Variants in MEI1 observed in about 807,000 individuals in gnomAD.
The protein encoded by MEI1 is meiotic double-stranded break formation protein 1.
MEI1 carries 103 observed loss-of-function variants against 146.2 expected under a neutral mutation model. That is an observed-to-expected ratio of 0.70 (90% CI 0.60 to 0.83). The LOEUF (loss-of-function observed/expected upper bound fraction) is 0.83. Among genes scored for constraint, MEI1 ranks in the 40% least tolerant of loss-of-function variants. The pLI is 0.00. For synonymous variants in MEI1, 652 were observed against 628.2 expected, an observed-to-expected ratio of 1.04 and a Z score of -0.57; for missense variants, 1,529 against 1,533.0, an observed-to-expected ratio of 1.00 and a Z score of 0.04.
At chr22:41,715,999 C>T in intron 4 of MEI1, 42 bp from the exon 5 acceptor site, 1 of 1,425,190 alleles carries the variant, frequency 7.0e-7, no homozygotes, top group Non-Finnish European at 9.7e-7. Flanking sequence ...AAGATCTGTC[C>T]TGATCCTAAT....
intron 3 of MEI1, chr22:41,709,197 A>C (rs1374719770): frequency 1.2e-6 from 1 of 835,452 alleles, no homozygotes; most frequent in African/African-American, 1.7e-5. Context: ...AGAAGTACAC[A>C]GTTACCAAAA....
intron 26 of MEI1, among the ~76,000 whole-genome samples, chr22:41,786,068 G>T (rs1305458042): frequency 6.7e-6 from 1 of 148,506 alleles, no homozygotes; most frequent in Non-Finnish European, 1.5e-5. Context: ...CCGCTACCAC[G>T]CCCGGCTAAT....
intron 1 of MEI1, among the ~76,000 whole-genome samples, chr22:41,702,634 C>T (rs1034877765): frequency 7.9e-5 from 12 of 151,800 alleles, no homozygotes; most frequent in South Asian, 6.2e-4. Flanking sequence ...TAGTAGAAAC[C>T]GGGTTTCTCC....
intron 26 of MEI1, among the ~76,000 whole-genome samples, chr22:41,792,006 A>C (rs1396542922): frequency 6.6e-6 from 1 of 152,204 alleles, no homozygotes; most frequent in African/African-American, 2.4e-5. Context: ...ATGAAGAGTG[A>C]CTGCTGAGTA....
rs770556595 is a variant in MEI1, at chr22:41,745,970, G to A, written c.1624G>A (p.Ala542Thr). 2.6e-5 allele frequency: 42 copies of A among 1,613,092 alleles called. No homozygotes were observed. Among genetic ancestry groups the A allele is most frequent in the Non-Finnish European group, 3.3e-5 (39 of 1,179,500 alleles). The change falls in exon 14 of 31, where the codon GCC (alanine) becomes ACC (threonine). Residue 542 changes from alanine to threonine, a missense_variant. Physicochemically the swap from Ala to Thr is moderately conservative, Grantham distance 58 (BLOSUM62 0). This residue lies in a region of MEI1 where 1,212 missense variants were observed against 1,178.9 expected (regional missense o/e 1.03). Coordinates refer to ENST00000401548, the MANE Select transcript of MEI1 (RefSeq NM_152513.4). ...CGCCAAGAAGGAAGACACCTTGGAGGCCTTCTCAGAATTTCTTCTCAGTGC... is the reference window on the plus strand; with the variant it reads ...CGCCAAGAAGGAAGACACCTTGGAGACCTTCTCAGAATTTCTTCTCAGTGC... ...PSAKKEDTLE[A>T]FSEFLLSACD... is the part of the protein sequence containing the mutation.
chr22:41,735,526 C>T lies in MEI1; in HGVS notation c.1331+2923C>T, dbSNP rs369969693. 1.3e-3 allele frequency among the ~76,000 whole-genome samples: 196 copies of T among 152,246 alleles called. 2 individuals are homozygous for T. Among genetic ancestry groups the T allele is most frequent in the African/African-American group, 4.5e-3 (186 of 41,540 alleles). ...GGGATTACAGGCGTGAGCCACCGTG[C>T]CCAGCCATATTGTTATTTTTTTTAT... is the stretch of plus-strand genomic sequence containing the variant. On this transcript the variant is annotated intron_variant, in intron 11 of 30. Transcript: ENST00000401548.
At chr22:41,718,334 T>C in intron 6 of MEI1, 60 bp downstream of exon 6, 2 of 1,524,502 alleles carry the variant, frequency 1.3e-6, no homozygotes, top group Non-Finnish European at 1.8e-6. Flanking sequence ...GCTAGAAGAC[T>C]TGAGATATTG....
chr22:41,784,990 G>T (rs1254124652), intron 26 of MEI1, among the ~76,000 whole-genome samples: 1 of 151,622 alleles, frequency 6.6e-6, no homozygotes. Flanking sequence ...AGGCTGGAGT[G>T]CAGTGGCGCA....
intron 7 of MEI1, among the ~76,000 whole-genome samples, chr22:41,728,547 A>C (rs1569193565): frequency 6.6e-6 from 1 of 152,106 alleles, no homozygotes; most frequent in African/African-American, 2.4e-5. Flanking sequence ...CCATATACTG[A>C]GACCTTGTCT....
chr22:41,733,324 C>A (rs998686233), intron 11 of MEI1, among the ~76,000 whole-genome samples: 29 of 152,026 alleles, frequency 1.9e-4, no homozygotes, highest in Non-Finnish European at 4.3e-4. Context: ...TTGGTGCACA[C>A]CTATAGTTCC....
intron 21 of MEI1, among the ~76,000 whole-genome samples, chr22:41,777,861 C>T (rs955794158): frequency 6.7e-6 from 1 of 150,274 alleles, no homozygotes; most frequent in Non-Finnish European, 1.5e-5. Flanking sequence ...TGCTTCCTTC[C>T]TTCCTTCCTT....
chr22:41,738,306 A>G (rs918895850), intron 11 of MEI1, among the ~76,000 whole-genome samples: 3 of 151,116 alleles, frequency 2.0e-5, no homozygotes, highest in Non-Finnish European at 4.4e-5. Context: ...TACAAAAATT[A>G]GGCTGGGTGT....
intron 26 of MEI1, among the ~76,000 whole-genome samples, chr22:41,787,820 C>T (rs1408870255): frequency 3.3e-5 from 5 of 152,162 alleles, no homozygotes; most frequent in Non-Finnish European, 7.4e-5. Context: ...TGATCCCAGC[C>T]ATTTAGGCAC....
At position 41,785,865 on chromosome 22, in the gene MEI1, ATTTTTATT is replaced by A. The variant is rs200537863; in HGVS notation, c.3345+1119_3345+1126del. ...AGGAATGAGCCACCACACCCGGCCT[ATTTTTATT>A]TTTTTATTTTTTTATTTTTTTATTT... is the stretch of plus-strand genomic sequence containing the variant. On this transcript the variant is annotated intron_variant, in intron 26 of 30. Transcript: ENST00000401548. Among the ~76,000 whole-genome samples the A allele has an allele frequency of 0.03, 4,221 of 142,840 alleles. 607 individuals are homozygous for A. In the East Asian group the frequency reaches 0.47, roughly 16 times the overall value. The allele number at this position is 142,840 out of a possible 152,430, so 93.7% of individuals were successfully genotyped here.
At chr22:41,746,048 G>A in intron 14 of MEI1, 22 bp downstream of exon 14, 2 of 1,558,796 alleles carry the variant, frequency 1.3e-6, no homozygotes, top group Non-Finnish European at 1.7e-6. Context: ...TGAGCCACGG[G>A]CAACATGAAG....
At chr22:41,749,509 A>G (rs2073595382) in intron 15 of MEI1, among the ~76,000 whole-genome samples, 1 of 151,956 alleles carries the variant, frequency 6.6e-6, no homozygotes, top group African/African-American at 2.4e-5. Flanking sequence ...TCCCCACTTC[A>G]GGTGATCTGG....
At chr22:41,775,703 C>T (rs1429718513) in intron 20 of MEI1, among the ~76,000 whole-genome samples, 8 of 151,688 alleles carry the variant, frequency 5.3e-5, no homozygotes, top group Admixed American at 5.3e-4. Context: ...ATGCCATCCT[C>T]CTGTCTCAGC....
chr22:41,717,433 G>T (rs951273589), intron 5 of MEI1, among the ~76,000 whole-genome samples: 1 of 152,002 alleles, frequency 6.6e-6, no homozygotes, highest in Non-Finnish European at 1.5e-5. Context: ...AAAGTGGTGG[G>T]ATTACAGCCA....
chr22:41,702,455 C>T (rs1219964320), intron 1 of MEI1, among the ~76,000 whole-genome samples: 79 of 139,640 alleles, frequency 5.7e-4, no homozygotes, highest in African/African-American at 1.8e-3. Context: ...CACTTTTTTT[C>T]TTTTTTTTTT....
Sources: gnomAD v4.1 joint callset for allele counts (sites outside exome capture counted in the v4.1 genomes callset) on GRCh38, gnomAD v4.1.1 for gene constraint, gnomAD v4.1.1 regional missense constraint, MANE v1.5 for transcripts, NCBI Gene and HGNC (gene_info 2026-07-23, HGNC 2026-07-21) for gene names.